The following PHRF1 variants were observed in gnomAD, a reference collection of about 807,000 sequenced individuals.
PHRF1 encodes PHD and RING finger domain-containing protein 1.
A neutral mutation model predicts 128.9 loss-of-function variants in PHRF1; 53 were observed. The ratio of observed to expected loss-of-function variants is 0.41; its 90% CI spans 0.33 to 0.52. The LOEUF (loss-of-function observed/expected upper bound fraction) is 0.52. Among genes scored for constraint, PHRF1 ranks in the 20% least tolerant of loss-of-function variants. The pLI is 0.21. For missense variants in PHRF1, 2,503 were observed against 2,284.5 expected (o/e 1.10, Z -1.95); for synonymous variants, 1,178 against 980.6 (o/e 1.20, Z -3.76).
rs764814844 is a variant in PHRF1, at chr11:608,245, C to T, written c.2789C>T (p.Ala930Val). ...EEPTESQGLA[A>V]RLRRPSPPEP... Reference sequence around the variant, plus strand: ...CCCACAGAGAGCCAGGGCCTGGCTGCCCGGCTGCGGAGGCCATCCCCCCCA... The same window carrying T: ...CCCACAGAGAGCCAGGGCCTGGCTGTCCGGCTGCGGAGGCCATCCCCCCCA... Residue 930 changes from alanine (A) to valine (V), a missense_variant, in exon 14 of 18, where the codon GCC (alanine) becomes GTC (valine). Coordinates refer to ENST00000264555, the MANE Select transcript of PHRF1 (RefSeq NM_001286581.2). The T allele has an allele frequency of 3.9e-5, 63 of 1,609,596 alleles. No homozygotes were observed. The highest frequency in any genetic ancestry group is 5.1e-5 in the Non-Finnish European group (60 of 1,179,662).
In PHRF1 at chr11:592,080, T is replaced by A. The variant is rs189049336; in HGVS notation, c.505-479T>A. Among the ~76,000 whole-genome samples the A allele has an allele frequency of 6.8e-3, 1,042 of 152,226 alleles. 15 individuals are homozygous for A. Among genetic ancestry groups the A allele is most frequent in the African/African-American group, 0.024 (991 of 41,530 alleles). On this transcript the variant is annotated intron_variant, in intron 5 of 17. Coordinates refer to ENST00000264555, the MANE Select transcript of PHRF1 (RefSeq NM_001286581.2). ...ACAGGCACCCGCCACCACGCCCGGC[T>A]AATTTTTTGTATTTTTAGTAGAGAC...
Position 607,283 on chromosome 11 carries a change from G to T in PHRF1, c.1827G>T (p.Gly609=). The T allele has an allele frequency of 6.2e-7, 1 of 1,612,682 alleles. No individual in the cohort carries two copies. The change falls in exon 14 of 18, where the codon GGG becomes GGT. Residue 609 remains glycine (G), a synonymous_variant. Transcript: ENST00000264555. ...PVRLDLPAAP[G]AVQARNLSNG... The stretch of plus-strand genomic sequence containing the variant: ...GGCTGGACTTGCCAGCAGCCCCTGG[G>T]GCGGTTCAGGCTCGGAACTTGTCAA...
Position 596,909 on chromosome 11 carries a change from G to A in PHRF1, c.621-14G>A. On this transcript the variant is annotated splice_polypyrimidine_tract_variant and intron_variant, in intron 6 of 17. Coordinates refer to ENST00000264555, the MANE Select transcript of PHRF1 (RefSeq NM_001286581.2). The stretch of plus-strand genomic sequence containing the variant: ...AGCAGCACCCGGATGCTTTGGCCCT[G>A]CTCTCTCCTGTAGGTACCACATGGA... The A allele has an allele frequency of 6.2e-7, 1 of 1,612,126 alleles. No homozygotes were observed. Among genetic ancestry groups the A allele is most frequent in the South Asian group, 1.1e-5 (1 of 91,030 alleles).
chr11:605,585 G>A lies in PHRF1; in HGVS notation c.1335-20G>A, dbSNP rs762811556. 2.5e-6 allele frequency: 4 copies of A among 1,611,480 alleles called. No homozygotes were observed. The highest frequency in any genetic ancestry group is 3.4e-6 in the Non-Finnish European group (4 of 1,178,790). ...AGCTGGGAGTCACTTGTTCCCTTTG[G>A]CCTGTGTCCTCCCCTCTAGCAGTGA... On this transcript the variant is annotated intron_variant, in intron 11 of 17. Coordinates refer to ENST00000264555, the MANE Select transcript of PHRF1 (RefSeq NM_001286581.2).
At chr11:578,418 G>T (rs1327874757) in intron 1 of PHRF1, among the ~76,000 whole-genome samples, 3 of 152,182 alleles carry the variant, frequency 2.0e-5, no homozygotes, top group Non-Finnish European at 2.9e-5. Flanking sequence ...TCAGGACTTA[G>T]CCCCACAGGT....
intron 11 of PHRF1, 31 bp downstream of exon 11, chr11:605,331 C>A: frequency 1.2e-6 from 2 of 1,604,218 alleles, no homozygotes; most frequent in East Asian, 2.2e-5. Flanking sequence ...CCTGCCTGGG[C>A]ACCCGCTCCT....
intron 14 of PHRF1, 65 bp downstream of exon 14, chr11:609,785 G>A (rs1403521473): frequency 2.0e-5 from 22 of 1,122,334 alleles, no homozygotes; most frequent in South Asian, 1.4e-4. Context: ...GGCCCCCGCC[G>A]AGGACAGAGC....
Position 587,341 on chromosome 11 carries a change from C to T in PHRF1, c.297C>T (p.Phe99=), listed in dbSNP as rs767402483. The T allele has an allele frequency of 1.2e-6, 2 of 1,613,734 alleles. No homozygotes were observed. Among genetic ancestry groups the T allele is most frequent in the Non-Finnish European group, 1.7e-6 (2 of 1,179,916 alleles). Residue 99 remains phenylalanine, a synonymous_variant, in exon 4 of 18, where the codon TTC becomes TTT. Transcript: ENST00000264555. ...TQGKLEAAGS[F]NSDDDAESCP... ...GGAAACTGGAAGCCGCTGGCTCTTT[C>T]AATTCTGATGATGATGCAGAGAGCT... is the stretch of plus-strand genomic sequence containing the variant.
chr11:611,017 T>C lies in PHRF1; in HGVS notation c.4741T>C (p.Phe1581Leu). The change falls in exon 17 of 18, where the codon TTC (phenylalanine) becomes CTC (leucine). Residue 1581 changes from phenylalanine to leucine, a missense_variant. By Grantham distance (22) the Phe-to-Leu change is conservative. Coordinates refer to ENST00000264555, the MANE Select transcript of PHRF1 (RefSeq NM_001286581.2). ...VEEVKLAIKP[F>L]YQKREVTKEE... ...GGAGGTGAAGCTGGCCATCAAGCCC[T>C]TCTACCAGAAGAGGGAGGTGACCAA... 6.2e-7 allele frequency: 1 copy of C among 1,613,466 alleles called. No homozygotes were observed. The highest frequency in any genetic ancestry group is 8.5e-7 in the Non-Finnish European group (1 of 1,179,822).
rs1391009420 is a variant in PHRF1, at chr11:609,296, C to T, written c.3840C>T (p.Phe1280=). The change falls in exon 14 of 18, where the codon TTC becomes TTT. Residue 1280 remains phenylalanine, a synonymous_variant. Coordinates refer to ENST00000264555, the MANE Select transcript of PHRF1 (RefSeq NM_001286581.2). The part of the protein sequence containing the change: ...VFDDFSSDAV[F]IQLDDMSSPP... The stretch of plus-strand genomic sequence containing the variant: ...ATGATTTCTCAAGCGACGCCGTTTT[C>T]ATCCAGCTCGATGACATGAGCTCGC... 3.1e-6 allele frequency: 5 copies of T among 1,612,440 alleles called. No homozygotes were observed. The highest frequency in any genetic ancestry group is 2.2e-5 in the East Asian group (1 of 44,896).
At position 597,103 on chromosome 11, in the gene PHRF1, T is replaced by C; in HGVS notation, c.718+83T>C. The C allele has an allele frequency of 1.4e-6, 2 of 1,415,518 alleles. No individual in the cohort carries two copies. The highest frequency in any genetic ancestry group is 1.9e-6 in the Non-Finnish European group (2 of 1,025,754). The allele number at this position is 1,415,518 out of a possible 1,614,324, so 87.7% of individuals were successfully genotyped here. ...GGTCCCCGGGGTTAGGTTTGGCTGC[T>C]GTGTGGGGAGGACATCTAGGGCTGT... is the stretch of plus-strand genomic sequence containing the variant. On this transcript the variant is annotated intron_variant, in intron 7 of 17. Transcript: ENST00000264555. The surrounding 1 kb of genome is among the most constrained non-coding windows in gnomAD (Gnocchi z 6.5).
intron 6 of PHRF1, among the ~76,000 whole-genome samples, chr11:596,189 G>C (rs975205864): frequency 7.2e-5 from 11 of 152,132 alleles, no homozygotes; most frequent in African/African-American, 2.7e-4. Flanking sequence ...CCTTACTCAG[G>C]GCTGTCTGGG....
chr11:610,331 A>G lies in PHRF1; in HGVS notation c.4400A>G (p.Asp1467Gly). 3.2e-6 allele frequency: 5 copies of G among 1,566,572 alleles called. No homozygotes were observed. In the South Asian group the frequency reaches 4.7e-5, roughly 15 times the overall value. The change falls in exon 15 of 18, where the codon GAC becomes GGC. Residue 1467 changes from aspartate to glycine, a missense_variant. Asp to Gly is a moderately conservative substitution (Grantham distance 94). Coordinates refer to ENST00000264555, the MANE Select transcript of PHRF1 (RefSeq NM_001286581.2). ...SHVLPEPGFP[D>G]TDPSQVYSPG... ...GTGCTTCCGGAACCCGGGTTCCCAG[A>G]CACAGACCCCTCTCAGGTGGGTGTC... is the stretch of plus-strand genomic sequence containing the variant.
Position 608,864 on chromosome 11 carries a change from G to A in PHRF1, c.3408G>A (p.Lys1136=), listed in dbSNP as rs1856146234. ...TSSLERLCRH[K]HQRERSHERP... is the part of the protein sequence containing the mutation. ...GCCTGGAGAGGCTCTGCAGGCACAA[G>A]CATCAGCGGGAACGCAGCCACGAGC... Residue 1136 remains lysine (K), a synonymous_variant, in exon 14 of 18, where the codon AAG becomes AAA. Transcript: ENST00000264555. 1 of 1,612,242 alleles carries A rather than the reference G, an allele frequency of 6.2e-7. No homozygotes were observed. The highest frequency in any genetic ancestry group is 8.5e-7 in the Non-Finnish European group (1 of 1,179,828).
At chr11:609,802 TGAGTAAGGCCCCGGCCTCCACC>T in intron 14 of PHRF1, 82 bp downstream of exon 14, 1 of 929,192 alleles carries the variant, frequency 1.1e-6, no homozygotes, top group African/African-American at 2.3e-5. Context: ...GAGCCCCCCG[TGAGTAAGGCCCCGGCCTCCACC>T]GAGGACAGAG....
intron 14 of PHRF1, 103 bp downstream of exon 14, chr11:609,823 C>G: frequency 1.3e-6 from 1 of 796,970 alleles, no homozygotes; most frequent in Non-Finnish European, 1.9e-6. Flanking sequence ...CCGGCCTCCA[C>G]CGAGGACAGA....
intron 9 of PHRF1, among the ~76,000 whole-genome samples, chr11:600,443 G>A (rs1165374838): frequency 6.9e-6 from 1 of 145,576 alleles, no homozygotes; most frequent in African/African-American, 2.6e-5. Flanking sequence ...AGTTTGAGAT[G>A]GCGCCACTGC....
chr11:591,496 C>T (rs1487171203), intron 5 of PHRF1, 29 bp downstream of exon 5: 2 of 1,565,026 alleles, frequency 1.3e-6, no homozygotes, highest in African/African-American at 2.7e-5. Flanking sequence ...GTGGAGGCCC[C>T]AGCCGTGCTT....
At chr11:599,520 G>T (rs1306658608) in intron 9 of PHRF1, among the ~76,000 whole-genome samples, 1 of 152,072 alleles carries the variant, frequency 6.6e-6, no homozygotes, top group Admixed American at 6.5e-5. Flanking sequence ...CAAAGTGCTG[G>T]GATTACAGGC....
Sources: allele counts gnomAD v4.1 joint callset (sites outside exome capture counted in the v4.1 genomes callset), GRCh38; gene constraint gnomAD v4.1.1; non-coding constraint Gnocchi (gnomAD v3.1); transcripts MANE v1.5; gene names NCBI Gene and HGNC (gene_info 2026-07-23, HGNC 2026-07-21).